Variants in BLTP2 observed in about 807,000 individuals in gnomAD.
The protein encoded by BLTP2 is bridge-like lipid transfer protein family member 2.
chr17:28,620,890 G>T, the BLTP2 span: 2 of 1,177,022 alleles, frequency 1.7e-6, no homozygotes, highest in Non-Finnish European at 2.5e-6. Flanking sequence ...AGTGCACAGT[G>T]GATTTTTAAT....
At chr17:28,645,081 G>A in the BLTP2 span, 2 of 1,559,686 alleles carry the variant, frequency 1.3e-6, no homozygotes, top group African/African-American at 2.8e-5. Context: ...GGCCCGGCTT[G>A]GCCCCGGCCC....
At chr17:28,638,039 A>C in the BLTP2 span, 1 of 1,614,264 alleles carries the variant, frequency 6.2e-7, no homozygotes, top group Non-Finnish European at 8.5e-7. Flanking sequence ...GGTACAATCA[A>C]GAAAAAGGGT....
chr17:28,642,128 T>C, the BLTP2 span: 1 of 1,599,726 alleles, frequency 6.3e-7, no homozygotes, highest in Non-Finnish European at 8.6e-7. Flanking sequence ...TTTGGAAGTT[T>C]TAGGTCAAAA....
At chr17:28,641,458 G>A in the BLTP2 span, among the ~76,000 whole-genome samples, 3 of 151,872 alleles carry the variant, frequency 2.0e-5, no homozygotes, top group Admixed American at 6.6e-5. Flanking sequence ...TGGCTAACAC[G>A]GCGAAATCCC....
chr17:28,635,486 C>A, the BLTP2 span: 1 of 1,614,186 alleles, frequency 6.2e-7, no homozygotes, highest in Admixed American at 1.7e-5. Flanking sequence ...AGGGATGGTA[C>A]AGTCTCAGGA....
the BLTP2 span, chr17:28,635,335 G>A: frequency 6.2e-6 from 10 of 1,614,088 alleles, no homozygotes; most frequent in Middle Eastern, 1.6e-4. Flanking sequence ...TGCAGCCAGG[G>A]TAATGAACTT....
chr17:28,640,742 G>A, the BLTP2 span: 15 of 1,546,488 alleles, frequency 9.7e-6, no homozygotes, highest in Admixed American at 8.5e-5. Context: ...CAGTTCTCCC[G>A]AAATGCCCTG....
At chr17:28,619,488 C>T in the BLTP2 span, among the ~76,000 whole-genome samples, 1 of 151,956 alleles carries the variant, frequency 6.6e-6, no homozygotes, top group Non-Finnish European at 1.5e-5. Context: ...AAAAGTGATC[C>T]TTCCCAACTA....
chr17:28,644,462 G>A, the BLTP2 span, among the ~76,000 whole-genome samples: 76 of 152,318 alleles, frequency 5.0e-4, 1 homozygote, highest in Admixed American at 4.6e-3. Context: ...AATCCCAGAG[G>A]CAGAGAGAGA....
chr17:28,632,836 C>G, the BLTP2 span: 12 of 822,096 alleles, frequency 1.5e-5, no homozygotes, highest in South Asian at 2.5e-5. Context: ...TCTCCCTTGC[C>G]CTTCTCCCCT....
chr17:28,635,815 G>T, the BLTP2 span: 1 of 522,920 alleles, frequency 1.9e-6, no homozygotes, highest in South Asian at 3.0e-5. Context: ...ACATTTAAGA[G>T]CACTTATACT....
the BLTP2 span, chr17:28,634,637 G>A: frequency 6.2e-7 from 1 of 1,614,172 alleles, no homozygotes; most frequent in Non-Finnish European, 8.5e-7. Context: ...ACATGCTCAG[G>A]ACCATGGAAG....
chr17:28,624,403 T>G, the BLTP2 span: 2 of 1,607,348 alleles, frequency 1.2e-6, no homozygotes, highest in African/African-American at 2.7e-5. Context: ...GGCAGAGAAA[T>G]AGGAAGCAGG....
the BLTP2 span, among the ~76,000 whole-genome samples, chr17:28,618,143 G>C: frequency 6.6e-6 from 1 of 151,998 alleles, no homozygotes; most frequent in Non-Finnish European, 1.5e-5. Flanking sequence ...ATGTTAGCCA[G>C]GCTGGTCTTC....
the BLTP2 span, chr17:28,633,546 C>T: frequency 3.7e-6 from 6 of 1,613,966 alleles, no homozygotes; most frequent in Non-Finnish European, 5.1e-6. Context: ...TGACACCCCT[C>T]ACCTCAGTGG....
chr17:28,620,258 G>A, the BLTP2 span, among the ~76,000 whole-genome samples: 1 of 152,168 alleles, frequency 6.6e-6, no homozygotes, highest in Non-Finnish European at 1.5e-5. Context: ...GTTTTTAGAG[G>A]TGTCTAGGTG....
chr17:28,638,007 C>T, the BLTP2 span: 276 of 1,614,204 alleles, frequency 1.7e-4, 1 homozygote, highest in Admixed American at 1.7e-3. Flanking sequence ...GTATCTGATG[C>T]TTCCACCTGA....
chr17:28,622,714 A>G, the BLTP2 span, among the ~76,000 whole-genome samples: 1 of 152,230 alleles, frequency 6.6e-6, no homozygotes, highest in East Asian at 1.9e-4. Flanking sequence ...AAAATTAACA[A>G]CCACGCAATG....
chr17:28,642,544 G>C, the BLTP2 span: 14 of 580,104 alleles, frequency 2.4e-5, no homozygotes, highest in Non-Finnish European at 1.8e-5. Flanking sequence ...CCAGCTACTC[G>C]GGAGGCTGAG....
Sources: gnomAD v4.1 joint callset for allele counts (sites outside exome capture counted in the v4.1 genomes callset) on GRCh38, gnomAD v4.1.1 for gene constraint, MANE v1.5 for transcripts, NCBI Gene and HGNC (gene_info 2026-07-23, HGNC 2026-07-21) for gene names.